The following SNTG1 variants were observed in gnomAD, a reference collection of about 807,000 sequenced individuals.
The protein encoded by SNTG1 is gamma-1-syntrophin.
A neutral mutation model predicts 74.7 loss-of-function variants in SNTG1; 39 were observed. That is an observed-to-expected ratio of 0.52 (90% CI 0.40 to 0.68). The LOEUF is 0.68. Among genes scored for constraint, SNTG1 ranks in the 30% least tolerant of loss-of-function variants. The pLI is 0.00. For synonymous variants in SNTG1, 254 were observed against 217.1 expected (o/e 1.17, Z -1.49); for missense variants, 685 against 609.5 (o/e 1.12, Z -1.30).
chr8:50,423,397 T>G (rs2093121179), intron 4 of SNTG1, among the ~76,000 whole-genome samples: 3 of 152,258 alleles, frequency 2.0e-5, no homozygotes, highest in Admixed American at 1.3e-4. Context: ...GGTTCTGAAT[T>G]CTGCATTTAA....
chr8:50,190,543 T>C, intron 2 of SNTG1, among the ~76,000 whole-genome samples: 1 of 152,166 alleles, frequency 6.6e-6, no homozygotes, highest in East Asian at 1.9e-4. Context: ...GAATTGGCCG[T>C]AACTAATTAG....
chr8:50,785,112 C>T (rs2095670959), intron 18 of SNTG1, among the ~76,000 whole-genome samples: 1 of 151,626 alleles, frequency 6.6e-6, no homozygotes, highest in South Asian at 2.1e-4. Flanking sequence ...ATCTTAAATA[C>T]CTAATCTTTC....
At chr8:50,514,688 G>C (rs1042942334) in intron 9 of SNTG1, among the ~76,000 whole-genome samples, 10 of 152,128 alleles carry the variant, frequency 6.6e-5, no homozygotes, top group Admixed American at 5.9e-4. Flanking sequence ...CACATAAGAA[G>C]AATGTATATT....
intron 1 of SNTG1, among the ~76,000 whole-genome samples, chr8:50,027,388 A>G (rs1378101792): frequency 6.6e-6 from 1 of 152,142 alleles, no homozygotes; most frequent in Non-Finnish European, 1.5e-5. Context: ...TGCGTTGAAC[A>G]ATGTCTTCCA....
intron 9 of SNTG1, among the ~76,000 whole-genome samples, chr8:50,505,356 T>C (rs931589829): frequency 2.6e-5 from 4 of 152,164 alleles, no homozygotes; most frequent in African/African-American, 4.8e-5. Flanking sequence ...TACTCAGAAG[T>C]GGGATTCCTG....
At chr8:50,156,037 A>C (rs1436341488) in intron 1 of SNTG1, among the ~76,000 whole-genome samples, 1 of 152,116 alleles carries the variant, frequency 6.6e-6, no homozygotes, top group African/African-American at 2.4e-5. Flanking sequence ...GAAAACTTTT[A>C]TTGAAAAATA....
chr8:50,764,356 T>A (rs2095608164), intron 18 of SNTG1, among the ~76,000 whole-genome samples: 1 of 151,902 alleles, frequency 6.6e-6, no homozygotes, highest in Non-Finnish European at 1.5e-5. Context: ...GAGAAATATT[T>A]ATAAGCTGTA....
intron 1 of SNTG1, among the ~76,000 whole-genome samples, chr8:50,147,419 TA>T (rs2081910994): frequency 1.3e-5 from 2 of 152,196 alleles, no homozygotes; most frequent in Admixed American, 1.3e-4. Flanking sequence ...ATTATAGAAT[TA>T]AAGAATTAAT....
intron 2 of SNTG1, among the ~76,000 whole-genome samples, chr8:50,197,963 T>C (rs192843366): frequency 4.0e-4 from 61 of 152,300 alleles, no homozygotes; most frequent in Non-Finnish European, 7.1e-4. Context: ...TTTTCAATTG[T>C]CACTTATAAA....
At chr8:50,630,076 G>A (rs188839200) in intron 13 of SNTG1, among the ~76,000 whole-genome samples, 4 of 152,210 alleles carry the variant, frequency 2.6e-5, no homozygotes, top group Admixed American at 2.0e-4. Flanking sequence ...TTTGCATGTT[G>A]TTGGTAAAAA....
At chr8:50,569,629 T>C (rs1052228581) in intron 12 of SNTG1, among the ~76,000 whole-genome samples, 1 of 152,050 alleles carries the variant, frequency 6.6e-6, no homozygotes, top group Non-Finnish European at 1.5e-5. Context: ...CATGATGGAA[T>C]AAAGACTAAC....
chr8:50,693,116 G>A lies in SNTG1; in HGVS notation c.1039-11484G>A, dbSNP rs577687148. 2.6e-3 allele frequency among the ~76,000 whole-genome samples: 397 copies of A among 152,246 alleles called. 4 individuals are homozygous for A. Among genetic ancestry groups the A allele is most frequent in the South Asian group, 0.012 (59 of 4,828 alleles). ...AGCCCATTGGAAAAGCGCAGTATTA[G>A]GGTGGGAGTGACCCAATTTTCCAGG... On this transcript the variant is annotated intron_variant, in intron 15 of 18. Coordinates refer to ENST00000642720, the MANE Select transcript of SNTG1 (RefSeq NM_018967.5).
chr8:50,482,520 A>G (rs965253636), intron 8 of SNTG1, among the ~76,000 whole-genome samples: 2 of 152,212 alleles, frequency 1.3e-5, no homozygotes, highest in African/African-American at 4.8e-5. Context: ...CAAACTCCCA[A>G]TGAGCACTCA....
chr8:50,235,499 T>C (rs1255745189), intron 2 of SNTG1, among the ~76,000 whole-genome samples: 1 of 151,958 alleles, frequency 6.6e-6, no homozygotes, highest in East Asian at 1.9e-4. Context: ...AAAACAAAAA[T>C]TATGACATAA....
intron 12 of SNTG1, chr8:50,569,087 A>G (rs1470696949): frequency 6.6e-6 from 1 of 152,186 alleles, no homozygotes; most frequent in Non-Finnish European, 1.5e-5. Flanking sequence ...ATCCATGACA[A>G]TTCTTTATGG....
At chr8:49,989,010 A>G (rs1403732559) in intron 1 of SNTG1, among the ~76,000 whole-genome samples, 1 of 151,960 alleles carries the variant, frequency 6.6e-6, no homozygotes, top group African/African-American at 2.4e-5. Context: ...GATGCATACA[A>G]TTACCCTAAT....
chr8:50,413,443 T>C (rs2092975214), intron 4 of SNTG1, among the ~76,000 whole-genome samples: 1 of 152,206 alleles, frequency 6.6e-6, no homozygotes, highest in Non-Finnish European at 1.5e-5. Flanking sequence ...GTCTGCCATC[T>C]ATCTATTTTT....
intron 15 of SNTG1, among the ~76,000 whole-genome samples, chr8:50,680,865 C>T (rs1419085257): frequency 2.0e-5 from 3 of 152,122 alleles, no homozygotes; most frequent in Non-Finnish European, 4.4e-5. Flanking sequence ...GGTAAGCAGC[C>T]TTCCCATCTG....
chr8:50,232,053 T>C (rs1303391041), intron 2 of SNTG1, among the ~76,000 whole-genome samples: 1 of 151,314 alleles, frequency 6.6e-6, no homozygotes, highest in Non-Finnish European at 1.5e-5. Context: ...TTCCTGAAAA[T>C]GAAAGAAGAT....
Sources: allele counts gnomAD v4.1 joint callset (sites outside exome capture counted in the v4.1 genomes callset), GRCh38; gene constraint gnomAD v4.1.1; transcripts MANE v1.5; gene names NCBI Gene and HGNC (gene_info 2026-07-23, HGNC 2026-07-21).